Variants in GRID1 observed in about 807,000 individuals in gnomAD.
The protein encoded by GRID1 is glutamate receptor ionotropic, delta-1.
Under a neutral mutation model 98.0 loss-of-function variants are expected in GRID1, and 28 were observed. The ratio of observed to expected loss-of-function variants is 0.29; its 90% CI spans 0.21 to 0.39. The LOEUF is 0.39. Among genes scored for constraint, GRID1 ranks in the 10% least tolerant of loss-of-function variants. The pLI, the probability that GRID1 is intolerant of heterozygous loss-of-function variation, is 1.00. For missense variants in GRID1, 1,111 were observed against 1,340.5 expected, an observed-to-expected ratio of 0.83 and a Z score of 2.67; for synonymous variants, 553 against 538.5, an observed-to-expected ratio of 1.03 and a Z score of -0.37.
At chr10:85,788,054 C>CA (rs202189101) in intron 8 of GRID1, among the ~76,000 whole-genome samples, 340 of 120,668 alleles carry the variant, frequency 2.8e-3, no homozygotes, top group African/African-American at 7.0e-3. Flanking sequence ...ATAAACTTCA[C>CA]AAAAAAAAAA....
chr10:85,775,555 T>A lies in GRID1; in HGVS notation c.1234-45941A>T, dbSNP rs902362226. 2.7e-5 allele frequency among the ~76,000 whole-genome samples: 4 copies of A among 149,356 alleles called. No individual in the cohort carries two copies. In the East Asian group the frequency reaches 7.9e-4, roughly 30 times the overall value. On this transcript the variant is annotated intron_variant, in intron 8 of 15. Coordinates refer to ENST00000327946, the MANE Select transcript of GRID1 (RefSeq NM_017551.3). ...CCTAGAGGAGGAAGGGAGGGGAGAG[T>A]GGCAAGTGTTGCAGAACTAACTATT...
intron 4 of GRID1, among the ~76,000 whole-genome samples, chr10:86,023,071 A>T (rs1843070778): frequency 6.6e-6 from 1 of 151,958 alleles, no homozygotes; most frequent in African/African-American, 2.4e-5. Flanking sequence ...CCAGCCTCCA[A>T]ACCCCAGCCC....
chr10:85,680,078 C>A (rs1329865836), intron 12 of GRID1, among the ~76,000 whole-genome samples: 3 of 152,274 alleles, frequency 2.0e-5, no homozygotes, highest in Non-Finnish European at 2.9e-5. Flanking sequence ...AGGCTTCCTC[C>A]AGCCATTCCA....
At chr10:86,053,687 G>A (rs1843534941) in intron 4 of GRID1, among the ~76,000 whole-genome samples, 3 of 152,156 alleles carry the variant, frequency 2.0e-5, no homozygotes, top group African/African-American at 7.2e-5. Flanking sequence ...GTGCTATGGT[G>A]AAATCCAAAA....
At chr10:85,616,760 G>A (rs184492970) in intron 14 of GRID1, among the ~76,000 whole-genome samples, 33 of 152,242 alleles carry the variant, frequency 2.2e-4, no homozygotes, top group African/African-American at 7.2e-4. Context: ...CCATACTCTC[G>A]CTTACGAGGA....
chr10:86,285,939 A>C (rs1847425011), intron 2 of GRID1, among the ~76,000 whole-genome samples: 1 of 152,224 alleles, frequency 6.6e-6, no homozygotes, highest in South Asian at 2.1e-4. Context: ...CCAATAACTT[A>C]TCAACAACAT....
At chr10:86,324,394 T>C (rs904093535) in intron 2 of GRID1, among the ~76,000 whole-genome samples, 6 of 152,006 alleles carry the variant, frequency 3.9e-5, no homozygotes, top group African/African-American at 1.5e-4. Flanking sequence ...AAACATGTAA[T>C]GTATTATTGA....
chr10:86,216,349 C>T (rs1790676787), intron 2 of GRID1, among the ~76,000 whole-genome samples: 2 of 152,198 alleles, frequency 1.3e-5, no homozygotes, highest in African/African-American at 4.8e-5. Flanking sequence ...AGCACAGAAA[C>T]ATCCATACTA....
intron 5 of GRID1, among the ~76,000 whole-genome samples, chr10:85,898,557 T>C (rs1841330278): frequency 6.6e-6 from 1 of 152,208 alleles, no homozygotes; most frequent in South Asian, 2.1e-4. Flanking sequence ...TATTGTTTTC[T>C]TTATATACTT....
intron 8 of GRID1, among the ~76,000 whole-genome samples, chr10:85,835,452 T>C (rs1279924970): frequency 6.6e-6 from 1 of 152,192 alleles, no homozygotes; most frequent in Admixed American, 6.5e-5. Flanking sequence ...GTAAGTCTCA[T>C]GAGATCTGAT....
intron 5 of GRID1, among the ~76,000 whole-genome samples, chr10:85,871,220 G>A (rs1424544442): frequency 6.6e-6 from 1 of 152,088 alleles, no homozygotes; most frequent in Non-Finnish European, 1.5e-5. Flanking sequence ...CCTACAGTTG[G>A]GCAAACTCAC....
intron 12 of GRID1, among the ~76,000 whole-genome samples, chr10:85,694,671 G>C (rs1007159314): frequency 6.7e-6 from 1 of 148,302 alleles, no homozygotes; most frequent in Admixed American, 6.8e-5. Flanking sequence ...TGGAAACAGA[G>C]GATATTACCG....
At chr10:85,895,431 C>T (rs867377616) in intron 5 of GRID1, among the ~76,000 whole-genome samples, 1 of 152,106 alleles carries the variant, frequency 6.6e-6, no homozygotes, top group East Asian at 1.9e-4. Context: ...CAAGCCAAGT[C>T]CTTGTGGGAG....
At chr10:86,329,620 G>T (rs1848108491) in intron 2 of GRID1, among the ~76,000 whole-genome samples, 1 of 152,080 alleles carries the variant, frequency 6.6e-6, no homozygotes, top group Admixed American at 6.5e-5. Flanking sequence ...ACCATCCCCT[G>T]GTCCACACTC....
At chr10:86,032,992 T>C (rs1210538346) in intron 4 of GRID1, among the ~76,000 whole-genome samples, 1 of 151,480 alleles carries the variant, frequency 6.6e-6, no homozygotes, top group South Asian at 2.1e-4. Context: ...TAAATAAATA[T>C]CTGTGAGAGG....
intron 8 of GRID1, among the ~76,000 whole-genome samples, chr10:85,853,774 T>C (rs1333470372): frequency 6.6e-6 from 1 of 152,210 alleles, no homozygotes; most frequent in Non-Finnish European, 1.5e-5. Flanking sequence ...CTCTTTGTCC[T>C]AGCCCTGTTA....
At chr10:85,867,632 C>T (rs1331620160) in intron 6 of GRID1, among the ~76,000 whole-genome samples, 6 of 152,246 alleles carry the variant, frequency 3.9e-5, no homozygotes, top group Admixed American at 6.5e-5. Context: ...AATAAACCAG[C>T]AGCATCTCAA....
chr10:85,797,873 T>A (rs1842540060), intron 8 of GRID1, among the ~76,000 whole-genome samples: 1 of 152,216 alleles, frequency 6.6e-6, no homozygotes, highest in Non-Finnish European at 1.5e-5. Context: ...CATTATAGCC[T>A]CCAGCTTCAT....
At chr10:85,951,280 T>A (rs1057306046) in intron 4 of GRID1, among the ~76,000 whole-genome samples, 1 of 152,144 alleles carries the variant, frequency 6.6e-6, no homozygotes, top group African/African-American at 2.4e-5. Context: ...GAATTAATAA[T>A]TGAATGTGAT....
Sources: allele counts gnomAD v4.1 joint callset (sites outside exome capture counted in the v4.1 genomes callset), GRCh38; gene constraint gnomAD v4.1.1; transcripts MANE v1.5; gene names NCBI Gene and HGNC (gene_info 2026-07-23, HGNC 2026-07-21).